The following ERGIC1 variants were observed in gnomAD, a reference collection of about 807,000 sequenced individuals.
ERGIC1 encodes the protein endoplasmic reticulum-Golgi intermediate compartment protein 1.
In ERGIC1, 19 loss-of-function variants were observed where a neutral mutation model predicts 38.3. That is an observed-to-expected ratio of 0.50 (90% CI 0.35 to 0.73). ERGIC1 has a LOEUF of 0.73. Ranked by LOEUF, ERGIC1 falls within the 30% of genes least tolerant of loss-of-function variation. The pLI is 0.01. For missense variants in ERGIC1, 294 were observed against 389.2 expected (o/e 0.76, Z 2.06); for synonymous variants, 124 against 157.6 (o/e 0.79, Z 1.60).
At chr5:172,867,629 ACTCACCT>A (rs990790580) in intron 1 of ERGIC1, 2 of 349,502 alleles carry the variant, frequency 5.7e-6, no homozygotes, top group African/African-American at 4.3e-5. Context: ...GCAGGAGGGC[ACTCACCT>A]CTCCCTTCTC....
chr5:172,922,980 G>A (rs1313244453), intron 5 of ERGIC1, among the ~76,000 whole-genome samples: 1 of 152,192 alleles, frequency 6.6e-6, no homozygotes, highest in African/African-American at 2.4e-5. Flanking sequence ...TGTTTGGAAG[G>A]TGGAGCTAAC....
chr5:172,891,924 G>A (rs1270523598), intron 2 of ERGIC1, among the ~76,000 whole-genome samples: 2 of 152,196 alleles, frequency 1.3e-5, no homozygotes, highest in Non-Finnish European at 2.9e-5. Context: ...GACCTACGGG[G>A]CCTGTGGCCA....
intron 1 of ERGIC1, among the ~76,000 whole-genome samples, chr5:172,870,590 T>A (rs1316214485): frequency 6.6e-6 from 1 of 152,258 alleles, no homozygotes; most frequent in Admixed American, 6.5e-5. Context: ...GAATCATAAC[T>A]GCCTGATGAA....
At chr5:172,868,241 G>C (rs1761920421) in intron 1 of ERGIC1, among the ~76,000 whole-genome samples, 2 of 152,212 alleles carry the variant, frequency 1.3e-5, no homozygotes, top group Admixed American at 1.3e-4. Context: ...AACACTGGCG[G>C]TTCAGAGAAA....
intron 9 of ERGIC1, among the ~76,000 whole-genome samples, chr5:172,944,645 C>T (rs186572770): frequency 9.9e-4 from 151 of 152,358 alleles, no homozygotes; most frequent in African/African-American, 3.4e-3. Context: ...AGGCGTGAGC[C>T]GCCGCACCCG....
chr5:172,940,411 A>T (rs186617023), intron 9 of ERGIC1, among the ~76,000 whole-genome samples: 11 of 152,086 alleles, frequency 7.2e-5, no homozygotes, highest in Admixed American at 4.6e-4. Context: ...ATCCCCTCCA[A>T]AGTGCTCCCC....
chr5:172,929,926 G>A (rs544577522), intron 7 of ERGIC1, among the ~76,000 whole-genome samples: 2 of 152,308 alleles, frequency 1.3e-5, no homozygotes, highest in South Asian at 2.1e-4. Context: ...GGTGGCTAAC[G>A]CCTGTAATCC....
intron 1 of ERGIC1, among the ~76,000 whole-genome samples, chr5:172,871,966 T>C (rs1762022138): frequency 6.6e-6 from 1 of 152,196 alleles, no homozygotes; most frequent in African/African-American, 2.4e-5. Flanking sequence ...CCTAAAGCCC[T>C]TTTGCCTGGG....
At chr5:172,877,408 ATATGTGTGTGTGTG>A (rs1762160642) in intron 1 of ERGIC1, among the ~76,000 whole-genome samples, 1 of 116,760 alleles carries the variant, frequency 8.6e-6, no homozygotes, top group South Asian at 2.7e-4. Context: ...AATATTATAT[ATATGTGTGTGTGTG>A]TGTGTGTGTG....
intron 1 of ERGIC1, among the ~76,000 whole-genome samples, chr5:172,850,686 AAGAGCCTCAT>A (rs1321786316): frequency 6.6e-6 from 1 of 152,078 alleles, no homozygotes; most frequent in Non-Finnish European, 1.5e-5. Flanking sequence ...TAGAGTTAAC[AAGAGCCTCAT>A]ATAGCCCTAG....
At chr5:172,920,685 C>G in intron 5 of ERGIC1, 1 of 507,366 alleles carries the variant, frequency 2.0e-6, no homozygotes, top group Non-Finnish European at 3.6e-6. Flanking sequence ...CACGGCCCGG[C>G]AGGGGTGGCA....
At chr5:172,942,421 C>T (rs1057514250) in intron 9 of ERGIC1, among the ~76,000 whole-genome samples, 1 of 152,076 alleles carries the variant, frequency 6.6e-6, no homozygotes, top group African/African-American at 2.4e-5. Context: ...ACCACAAGCA[C>T]CAGGGAAGCT....
intron 6 of ERGIC1, among the ~76,000 whole-genome samples, chr5:172,925,596 C>T (rs1474062179): frequency 6.6e-6 from 1 of 152,170 alleles, no homozygotes; most frequent in Admixed American, 6.5e-5. Context: ...CGTACCTCTC[C>T]GATGTCTCCT....
chr5:172,950,036 G>A (rs538770820), intron 9 of ERGIC1, among the ~76,000 whole-genome samples: 2 of 152,132 alleles, frequency 1.3e-5, no homozygotes, highest in Non-Finnish European at 2.9e-5. Context: ...TCACGCCACT[G>A]CACTCCAGCC....
chr5:172,864,818 C>T (rs994918211), intron 1 of ERGIC1, among the ~76,000 whole-genome samples: 4 of 151,678 alleles, frequency 2.6e-5, no homozygotes, highest in South Asian at 4.2e-4. Flanking sequence ...GTCCTAACCA[C>T]GTTTTGCGTA....
chr5:172,918,845 G>A (rs1247113212), intron 5 of ERGIC1, among the ~76,000 whole-genome samples: 1 of 152,152 alleles, frequency 6.6e-6, no homozygotes, highest in African/African-American at 2.4e-5. Context: ...CATCCTCTTG[G>A]GGAACCACTA....
At position 172,878,834 on chromosome 5, in the gene ERGIC1, C is replaced by T. The variant is rs1431787086; in HGVS notation, c.21-9865C>T. ...CATGCACACACATACACTAGCACAG[C>T]CCCCGGGCCAGTGGTTCTCAGTAAG... On this transcript the variant is annotated intron_variant, in intron 1 of 9. Transcript: ENST00000393784. Among the ~76,000 whole-genome samples the T allele has an allele frequency of 2.0e-5, 3 of 152,134 alleles. 1 individual carries two copies. In the East Asian group the frequency reaches 5.8e-4, roughly 29 times the overall value.
At chr5:172,941,145 G>A (rs939271951) in intron 9 of ERGIC1, among the ~76,000 whole-genome samples, 2 of 152,056 alleles carry the variant, frequency 1.3e-5, no homozygotes, top group African/African-American at 4.8e-5. Flanking sequence ...CAGGTAGCAC[G>A]CCTGTAGTCC....
At chr5:172,896,129 G>C (rs1762715717) in intron 2 of ERGIC1, among the ~76,000 whole-genome samples, 2 of 152,016 alleles carry the variant, frequency 1.3e-5, no homozygotes, top group Admixed American at 1.3e-4. Context: ...GTTCACTTGA[G>C]ATCAGGAGTT....
Sources: gnomAD v4.1 joint callset for allele counts (sites outside exome capture counted in the v4.1 genomes callset) on GRCh38, gnomAD v4.1.1 for gene constraint, MANE v1.5 for transcripts, NCBI Gene and HGNC (gene_info 2026-07-23, HGNC 2026-07-21) for gene names.